C18orf63: variants seen among roughly 807,000 people sequenced by gnomAD.
The protein encoded by C18orf63 is chromosome 18 open reading frame 63, also known as uncharacterized protein C18orf63.
C18orf63 carries 50 observed loss-of-function variants against 75.3 expected under a neutral mutation model. The ratio of observed to expected loss-of-function variants is 0.66; its 90% CI spans 0.53 to 0.84. The LOEUF (loss-of-function observed/expected upper bound fraction) is 0.84, where lower values mean the gene tolerates loss of function less well. Among genes scored for constraint, C18orf63 ranks in the 40% least tolerant of loss-of-function variants. The pLI, the probability that C18orf63 is intolerant of heterozygous loss-of-function variation, is 0.00. For missense variants in C18orf63, 732 were observed against 800.2 expected, an observed-to-expected ratio of 0.91 and a Z score of 1.03; for synonymous variants, 232 against 267.6, an observed-to-expected ratio of 0.87 and a Z score of 1.30.
Position 74,328,063 on chromosome 18 carries a change from C to CT in C18orf63, c.382+8dup, listed in dbSNP as rs1340242961. 2 of 1,498,002 alleles carry CT rather than the reference C, an allele frequency of 1.3e-6. No homozygotes were observed. The allele number at this position is 1,498,002 out of a possible 1,614,324, so 92.8% of individuals were successfully genotyped here. ...CTGGTCATCTCTTGATACAAGGTAA[C>CT]TTTATCTTTTTAGTCATTGGGGCTT... On this transcript the variant is annotated splice_donor_region_variant and intron_variant, in intron 5 of 13. Transcript: ENST00000579455.
At position 74,342,268 on chromosome 18, in the gene C18orf63, G is replaced by A. The variant is rs1984501456; in HGVS notation, c.736G>A (p.Gly246Arg). The change falls in exon 10 of 14, where the codon GGA becomes AGA. Residue 246 changes from glycine (G) to arginine (R), a missense_variant. Gly to Arg is a moderately radical substitution (Grantham distance 125, BLOSUM62 -2). Transcript: ENST00000579455. ...TGGCTATAAACTTCCAGGTGATTGT[G>A]GAAAAATTAAAATATACTGCAACAT... The part of the protein sequence containing the change: ...LYGYKLPGDC[G>R]KIKIYCNIYF... The A allele has an allele frequency of 6.5e-7, 1 of 1,533,038 alleles. No individual in the cohort carries two copies. The highest frequency in any genetic ancestry group is 2.4e-5 in the East Asian group (1 of 40,876). 95.0% of individuals were successfully genotyped at this position (1,533,038 alleles called of 1,614,324 possible).
At chr18:74,319,249 C>T (rs75147335) in intron 2 of C18orf63, among the ~76,000 whole-genome samples, 1,532 of 151,216 alleles carry the variant, frequency 0.01, 15 homozygotes, top group Non-Finnish European at 0.014. Flanking sequence ...CTCACCCTCC[C>T]GGTAATTGAC....
At chr18:74,338,206 G>A (rs9964142) in intron 7 of C18orf63, among the ~76,000 whole-genome samples, 25,772 of 151,996 alleles carry the variant, frequency 0.17, 2,287 homozygotes, top group Admixed American at 0.21. Flanking sequence ...GCCCTACAGG[G>A]AGGACACTTG....
chr18:74,332,057 C>T (rs911515764), intron 7 of C18orf63, among the ~76,000 whole-genome samples: 1 of 152,070 alleles, frequency 6.6e-6, no homozygotes, highest in African/African-American at 2.4e-5. Context: ...GATCTCCCAC[C>T]CTCATTTAAA....
chr18:74,349,720 C>T (rs1984634952), intron 11 of C18orf63, among the ~76,000 whole-genome samples: 1 of 152,130 alleles, frequency 6.6e-6, no homozygotes, highest in African/African-American at 2.4e-5. Flanking sequence ...AAACTGGTCC[C>T]TGGTGACAAA....
At chr18:74,316,590 G>A (rs8091400) in intron 1 of C18orf63, among the ~76,000 whole-genome samples, 5,498 of 152,264 alleles carry the variant, frequency 0.036, 336 homozygotes, top group African/African-American at 0.13. Context: ...GTAGAATTGC[G>A]TAGGTGCCTG....
At chr18:74,351,761 C>G (rs1984671090) in intron 11 of C18orf63, among the ~76,000 whole-genome samples, 1 of 152,092 alleles carries the variant, frequency 6.6e-6, no homozygotes. Context: ...CTCTGATTTC[C>G]CAAAATCTTT....
At chr18:74,324,828 G>C (rs1159486695) in intron 4 of C18orf63, among the ~76,000 whole-genome samples, 1 of 152,028 alleles carries the variant, frequency 6.6e-6, no homozygotes, top group Non-Finnish European at 1.5e-5. Context: ...ATGTGTCTCA[G>C]TTTCTATTCC....
intron 4 of C18orf63, among the ~76,000 whole-genome samples, chr18:74,326,301 C>T (rs12458484): frequency 0.2 from 30,679 of 152,134 alleles, 3,294 homozygotes; most frequent in African/African-American, 0.27. Flanking sequence ...CAATTTTCCT[C>T]GGCTTTCTCA....
At chr18:74,339,320 G>C (rs937871620) in intron 8 of C18orf63, among the ~76,000 whole-genome samples, 1 of 152,026 alleles carries the variant, frequency 6.6e-6, no homozygotes, top group African/African-American at 2.4e-5. Context: ...GGAGGAGGTA[G>C]GTAGAAAACA....
Position 74,338,728 on chromosome 18 carries a change from A to G in C18orf63, c.515A>G (p.Glu172Gly). The stretch of plus-strand genomic sequence containing the variant: ...TTCTATTAAAAGCTAAAAGAGTTTG[A>G]GATTTCCCAGAGTATTATAAAGGAT... ...RLPAPELKEF[E>G]ISQSIIKDFH... is the part of the protein sequence containing the mutation. Residue 172 changes from glutamate (E) to glycine (G), a missense_variant, in exon 8 of 14, where the codon GAG becomes GGG. Transcript: ENST00000579455. 1.5e-6 allele frequency: 2 copies of G among 1,356,986 alleles called. No homozygotes were observed. Among genetic ancestry groups the G allele is most frequent in the Non-Finnish European group, 1.9e-6 (2 of 1,037,574 alleles). The allele number at this position is 1,356,986 out of a possible 1,614,324, so 84.1% of individuals were successfully genotyped here. A position where few individuals can be genotyped will look rare whatever the true frequency, so the allele number is the denominator to read the frequency against.
chr18:74,316,422 C>A (rs959031061), intron 1 of C18orf63, among the ~76,000 whole-genome samples: 24 of 152,194 alleles, frequency 1.6e-4, no homozygotes, highest in Admixed American at 5.2e-4. Context: ...GGGGCAGCGG[C>A]AAGCCGGGTC....
At chr18:74,356,266 C>A (rs980974854) in intron 13 of C18orf63, among the ~76,000 whole-genome samples, 7 of 151,642 alleles carry the variant, frequency 4.6e-5, no homozygotes, top group African/African-American at 1.7e-4. Flanking sequence ...CATCATTCAC[C>A]CCCCCTCCCT....
At position 74,322,188 on chromosome 18, in the gene C18orf63, CG is replaced by C. The variant is rs1183158371; in HGVS notation, c.214-508del. Among the ~76,000 whole-genome samples the C allele has an allele frequency of 3.3e-5, 5 of 152,068 alleles. No homozygotes were observed. In the East Asian group the frequency reaches 9.6e-4, roughly 29 times the overall value. On this transcript the variant is annotated intron_variant, in intron 3 of 13. Transcript: ENST00000579455. The stretch of plus-strand genomic sequence containing the variant: ...AATTGCTGTCTGAAAAGCTTTTTGC[CG>C]GATTGCATGTTAACAAATAGTCTGG...
chr18:74,345,089 T>C (rs1439237363), intron 11 of C18orf63, among the ~76,000 whole-genome samples: 4 of 152,104 alleles, frequency 2.6e-5, no homozygotes, highest in South Asian at 4.1e-4. Context: ...GCCCTTCTGA[T>C]AGGTGTATTT....
In C18orf63 at chr18:74,332,109, G is replaced by A. The variant is rs77891109; in HGVS notation, c.501+1167G>A. ...TACCAAACTGTCTTTGTTTTCTGTCGCTTAGAATACCTGAAATTGGGTAAT... is the reference window on the plus strand; with the variant it reads ...TACCAAACTGTCTTTGTTTTCTGTCACTTAGAATACCTGAAATTGGGTAAT... On this transcript the variant is annotated intron_variant, in intron 7 of 13. Transcript: ENST00000579455. Among the ~76,000 whole-genome samples the A allele has an allele frequency of 3.2e-3, 483 of 152,098 alleles. 5 individuals carry two copies. The highest frequency in any genetic ancestry group is 0.011 in the African/African-American group (453 of 41,472).
At position 74,343,655 on chromosome 18, in the gene C18orf63, A is replaced by G. The variant is rs564188153; in HGVS notation, c.931A>G (p.Ser311Gly). ...ATGTGGATTTCCCATAAAGATGACA[A>G]GTAAACCATGCTACTACACACAAGA... ...HICGFPIKMT[S>G]KPCYYTQELT... The change falls in exon 11 of 14, where the codon AGT (serine) becomes GGT (glycine). Residue 311 changes from serine (S) to glycine (G), a missense_variant. Physicochemically the swap from Ser to Gly is moderately conservative, Grantham distance 56. Transcript: ENST00000579455. 6.5e-7 allele frequency: 1 copy of G among 1,534,466 alleles called. No homozygotes were observed. The highest frequency in any genetic ancestry group is 2.4e-5 in the East Asian group (1 of 40,854).
intron 7 of C18orf63, among the ~76,000 whole-genome samples, chr18:74,338,132 G>A (rs1325885348): frequency 6.6e-6 from 1 of 152,050 alleles, no homozygotes; most frequent in East Asian, 1.9e-4. Flanking sequence ...GCCTCTCAGG[G>A]AGATTTTCCA....
At chr18:74,341,597 C>T (rs1341843966) in intron 8 of C18orf63, among the ~76,000 whole-genome samples, 1 of 151,946 alleles carries the variant, frequency 6.6e-6, no homozygotes, top group African/African-American at 2.4e-5. Flanking sequence ...ATCGCTTGAA[C>T]GATGGCTTGA....
Sources: gnomAD v4.1 joint callset for allele counts (sites outside exome capture counted in the v4.1 genomes callset) on GRCh38, gnomAD v4.1.1 for gene constraint, MANE v1.5 for transcripts, NCBI Gene and HGNC (gene_info 2026-07-23, HGNC 2026-07-21) for gene names.